Variants in TRMT44 observed in about 807,000 individuals in gnomAD.
TRMT44 encodes probable tRNA (uracil-O(2)-)-methyltransferase.
TRMT44 carries 78 observed loss-of-function variants against 77.3 expected under a neutral mutation model. The observed-to-expected ratio is 1.01, with a 90% CI of 0.84 to 1.22. The LOEUF is 1.22. TRMT44 is among the 50% of genes most tolerant of loss of function. The probability of loss-of-function intolerance (pLI) is 0.00; values close to 1 mark genes in which losing one functional copy is unlikely to be tolerated. For missense variants in TRMT44, 1,090 were observed against 964.4 expected (o/e 1.13, Z -1.73); for synonymous variants, 391 against 383.3 (o/e 1.02, Z -0.23).
chr4:8,490,839 G>A lies in TRMT44; in HGVS notation n.3892-2427G>A, dbSNP rs925646992. Among the ~76,000 whole-genome samples, 4 of 152,202 alleles carry A rather than the reference G, an allele frequency of 2.6e-5. No homozygotes were observed. In the East Asian group the frequency reaches 5.8e-4, roughly 22 times the overall value. ...TCCTGCTGATTGGTAGAGCCAAGTGGTCTGTTTTGACAGGGTGCTGATTGG... is the reference window on the plus strand; with the variant it reads ...TCCTGCTGATTGGTAGAGCCAAGTGATCTGTTTTGACAGGGTGCTGATTGG... On this transcript the variant is annotated intron_variant and non_coding_transcript_variant, in intron 2 of 2. Coordinates refer to the TRMT44 transcript ENST00000511366.
chr4:8,493,714 G>T (rs968594313), downstream of TRMT44, among the ~76,000 whole-genome samples: 1 of 151,934 alleles, frequency 6.6e-6, no homozygotes, highest in Non-Finnish European at 1.5e-5. Flanking sequence ...TCAGCGCAGC[G>T]GATCCTTTTG....
At chr4:8,507,651 G>A in the TRMT44 span, 1 of 152,412 alleles carries the variant, frequency 6.6e-6, no homozygotes, top group South Asian at 2.1e-4. Context: ...TCCAAAAAGT[G>A]TTCAAACAAG....
intron 2 of TRMT44, among the ~76,000 whole-genome samples, chr4:8,490,685 T>G (rs1727973532): frequency 6.6e-6 from 1 of 151,806 alleles, no homozygotes; most frequent in South Asian, 2.1e-4. Flanking sequence ...ACCCAAAGAG[T>G]GAGCAGTAGC....
chr4:8,515,789 C>T, the TRMT44 span, among the ~76,000 whole-genome samples: 1 of 152,208 alleles, frequency 6.6e-6, no homozygotes, highest in African/African-American at 2.4e-5. Flanking sequence ...ACGTTCCCTC[C>T]CCAGTGCGGG....
rs1385711127 is a variant in TRMT44 at position 8,465,529 on chromosome 4, G to A, written c.1462G>A (p.Glu488Lys). The A allele has an allele frequency of 2.5e-6, 4 of 1,613,444 alleles. No individual in the cohort carries two copies. Among genetic ancestry groups the A allele is most frequent in the Admixed American group, 1.7e-5 (1 of 59,872 alleles). Residue 488 changes from glutamate to lysine, a missense_variant, in exon 8 of 11, where the codon GAA (glutamate) becomes AAA (lysine). Glu to Lys is a moderately conservative substitution (Grantham distance 56). Transcript: ENST00000389737. ...VGFTCGFHVD[E>K]DCLRIPSTKR... Reference sequence around the variant, plus strand: ...CTTCACCTGTGGGTTTCACGTGGACGAAGACTGCCTCAGGATTCCTTCAAC... The same window carrying A: ...CTTCACCTGTGGGTTTCACGTGGACAAAGACTGCCTCAGGATTCCTTCAAC...
In TRMT44 at chr4:8,446,693, A is replaced by G. The variant is rs1018651224; in HGVS notation, c.734+103A>G. 5.4e-4 allele frequency: 396 copies of G among 737,904 alleles called. 1 individual carries two copies. The highest frequency in any genetic ancestry group is 7.5e-4 in the Non-Finnish European group (346 of 459,572). The allele number at this position is 737,904 out of a possible 1,614,324, so 45.7% of individuals were successfully genotyped here. Reference sequence around the variant, plus strand: ...GCCAGGGCTTAAGGTCCTGTCTCTGAGGTGGTTATGGTTTGTAGGAATGCA... The same window carrying G: ...GCCAGGGCTTAAGGTCCTGTCTCTGGGGTGGTTATGGTTTGTAGGAATGCA... On this transcript the variant is annotated intron_variant, in intron 2 of 10. Transcript: ENST00000389737. The surrounding 1 kb of genome is among the most constrained non-coding windows in gnomAD (Gnocchi z 4.3).
At position 8,452,197 on chromosome 4, in the gene TRMT44, T is replaced by C. The variant is rs748180075; in HGVS notation, c.1023+169T>C. On this transcript the variant is annotated intron_variant, in intron 4 of 10. Transcript: ENST00000389737. The surrounding 1 kb of genome is among the most constrained non-coding windows in gnomAD (Gnocchi z 5.7). ...GTTTGACTTCATGTGGTCCTTTTGA[T>C]GCGTATACAACAAGTTTGGGTTGAA... is the stretch of plus-strand genomic sequence containing the variant. Among the ~76,000 whole-genome samples, 2 of 152,188 alleles carry C rather than the reference T, an allele frequency of 1.3e-5. No individual in the cohort carries two copies. The highest frequency in any genetic ancestry group is 2.9e-5 in the Non-Finnish European group (2 of 68,036).
In TRMT44 at chr4:8,454,740, A is replaced by G. The variant is rs373160241; in HGVS notation, c.1132-2A>G. 6.2e-7 allele frequency: 1 copy of G among 1,614,076 alleles called. No individual in the cohort carries two copies. Among genetic ancestry groups the G allele is most frequent in the South Asian group, 1.1e-5 (1 of 91,086 alleles). On this transcript the variant is annotated splice_acceptor_variant, in intron 5 of 10. Coordinates refer to ENST00000389737, the MANE Select transcript of TRMT44 (RefSeq NM_152544.3). LOFTEE classifies it high-confidence loss of function. ...TTTGATTTCTAAAATTAATTTTTTC[A>G]GCATCCAGGCAGAGGGATTGATGTC...
intron 1 of TRMT44, among the ~76,000 whole-genome samples, chr4:8,445,153 TTTTAC>T (rs1285246118): frequency 9.9e-5 from 15 of 152,210 alleles, no homozygotes; most frequent in African/African-American, 3.4e-4. Flanking sequence ...GTGAGCTTTA[TTTTAC>T]TTTATTTATT....
intron 9 of TRMT44, 152 bp from the exon 10 acceptor site, chr4:8,470,929 TGTG>T (rs1241159480): frequency 3.5e-6 from 2 of 573,968 alleles, no homozygotes; most frequent in African/African-American, 1.9e-5. Flanking sequence ...TTTGGTGCGG[TGTG>T]GTGTGGGTTA....
chr4:8,473,347 CCTCAT>C (rs1400651079), intron 10 of TRMT44: 1 of 152,334 alleles, frequency 6.6e-6, no homozygotes, highest in Admixed American at 6.5e-5. Context: ...ACACGCGGGG[CCTCAT>C]CTCATCCTGC....
the TRMT44 span, among the ~76,000 whole-genome samples, chr4:8,513,408 A>T: frequency 6.6e-6 from 1 of 152,192 alleles, no homozygotes; most frequent in Non-Finnish European, 1.5e-5. Flanking sequence ...ATCACCTCCC[A>T]CTGGGATCCT....
intron 9 of TRMT44, 40 bp downstream of exon 9, chr4:8,468,386 C>T: frequency 6.3e-7 from 1 of 1,598,862 alleles, no homozygotes; most frequent in Non-Finnish European, 8.6e-7. Context: ...TAGCACGCTC[C>T]CAGGCTTGAG....
At chr4:8,485,900 T>G (rs1187105318) in intron 2 of TRMT44, among the ~76,000 whole-genome samples, 2 of 152,088 alleles carry the variant, frequency 1.3e-5, no homozygotes, top group Non-Finnish European at 1.5e-5. Flanking sequence ...AAACAGGCCC[T>G]TGAAAAGAAG....
At position 8,449,874 on chromosome 4, in the gene TRMT44, A is replaced by G; in HGVS notation, c.940A>G (p.Lys314Glu). ...TTACCAGGAACTTAAAGAGAAGTAT[A>G]AGGAAATGGTTAAGGTAATTCTGGT... ...KAYQELKEKY[K>E]EMVKVWPEVT... Residue 314 changes from lysine (K) to glutamate (E), a missense_variant, in exon 3 of 11, where the codon AAG (lysine) becomes GAG (glutamate). By Grantham distance (56) the Lys-to-Glu change is moderately conservative. Transcript: ENST00000389737. The G allele has an allele frequency of 6.6e-7, 1 of 1,522,880 alleles. No homozygotes were observed. The highest frequency in any genetic ancestry group is 8.8e-7 in the Non-Finnish European group (1 of 1,138,018). The allele number at this position is 1,522,880 out of a possible 1,614,324, so 94.3% of individuals were successfully genotyped here.
At chr4:8,513,227 A>G in the TRMT44 span, among the ~76,000 whole-genome samples, 2,496 of 152,292 alleles carry the variant, frequency 0.016, 28 homozygotes, top group Non-Finnish European at 0.027. Context: ...GGCTATGGAG[A>G]CCTCACAATC....
At chr4:8,505,049 A>G in the TRMT44 span, among the ~76,000 whole-genome samples, 1 of 151,932 alleles carries the variant, frequency 6.6e-6, no homozygotes, top group Non-Finnish European at 1.5e-5. Context: ...CCCTCCACCA[A>G]CAACAGCTGA....
the TRMT44 span, among the ~76,000 whole-genome samples, chr4:8,506,445 C>T: frequency 3.3e-5 from 5 of 152,332 alleles, no homozygotes; most frequent in East Asian, 1.9e-4. Flanking sequence ...AGCCCTCAGC[C>T]GCCTGCTGGG....
chr4:8,451,105 C>T lies in TRMT44; in HGVS notation c.955-855C>T, dbSNP rs1458915122. ...TAATCAGTCACGTCTTGCTCTGTAA[C>T]AAAAGCACCCCAAAGGTCACAGGCT... On this transcript the variant is annotated intron_variant, in intron 3 of 10. Transcript: ENST00000389737. The surrounding 1 kb of genome is among the most constrained non-coding windows in gnomAD (Gnocchi z 4.1). Among the ~76,000 whole-genome samples the T allele has an allele frequency of 6.6e-6, 1 of 152,064 alleles. No individual in the cohort carries two copies. Among genetic ancestry groups the T allele is most frequent in the African/African-American group, 2.4e-5 (1 of 41,412 alleles).
Sources: gnomAD v4.1 joint callset for allele counts (sites outside exome capture counted in the v4.1 genomes callset) on GRCh38, gnomAD v4.1.1 for gene constraint, Gnocchi (gnomAD v3.1) non-coding constraint, MANE v1.5 for transcripts, NCBI Gene and HGNC (gene_info 2026-07-23, HGNC 2026-07-21) for gene names.